Variants in ROBO2 observed in about 807,000 individuals in gnomAD.
ROBO2 encodes roundabout homolog 2.
A neutral mutation model predicts 160.8 loss-of-function variants in ROBO2; 53 were observed. The observed-to-expected ratio is 0.33, with a 90% CI of 0.26 to 0.41. The LOEUF is 0.41. Among genes scored for constraint, ROBO2 ranks in the 10% least tolerant of loss-of-function variants. ROBO2 has a pLI of 1.00. For synonymous variants in ROBO2, 664 were observed against 611.7 expected, an observed-to-expected ratio of 1.09 and a Z score of -1.26; for missense variants, 1,577 against 1,722.4, an observed-to-expected ratio of 0.92 and a Z score of 1.49.
At chr3:76,985,575 GAAAAAAAAAAAAAAAAAA>G (rs532632866) in intron 2 of ROBO2, among the ~76,000 whole-genome samples, 692 of 26,464 alleles carry the variant, frequency 0.026, 27 homozygotes, top group African/African-American at 0.092. Flanking sequence ...GACTCCGTCT[GAAAAAAAAAAAAAAAAAA>G]AAAAAAAAAA....
chr3:77,350,086 C>T (rs1433365493), intron 2 of ROBO2, among the ~76,000 whole-genome samples: 1 of 138,002 alleles, frequency 7.2e-6, no homozygotes, highest in African/African-American at 2.7e-5. Flanking sequence ...TATATATGTA[C>T]ACACACACAT....
At chr3:76,619,531 A>C (rs2088891289) in intron 2 of ROBO2, among the ~76,000 whole-genome samples, 1 of 152,216 alleles carries the variant, frequency 6.6e-6, no homozygotes, top group African/African-American at 2.4e-5. Context: ...ATTCATGAGC[A>C]CTGCCATATT....
chr3:76,577,645 GCAATTTAACACTTT>G (rs2085391224), intron 2 of ROBO2, among the ~76,000 whole-genome samples: 1 of 152,062 alleles, frequency 6.6e-6, no homozygotes, highest in Non-Finnish European at 1.5e-5. Flanking sequence ...CAAATTAGAA[GCAATTTAACACTTT>G]CTAGGGGAAC....
At chr3:76,814,814 G>T (rs967917174) in intron 2 of ROBO2, among the ~76,000 whole-genome samples, 51 of 151,914 alleles carry the variant, frequency 3.4e-4, no homozygotes, top group African/African-American at 1.2e-3. Flanking sequence ...TAACATGTAA[G>T]AATAATTTCT....
chr3:76,726,605 CT>C (rs1350340577), intron 2 of ROBO2, among the ~76,000 whole-genome samples: 4 of 152,122 alleles, frequency 2.6e-5, no homozygotes, highest in African/African-American at 9.7e-5. Flanking sequence ...AGTGTGGTTT[CT>C]GCATCTGCTT....
At chr3:76,703,192 G>C (rs2093083624) in intron 2 of ROBO2, among the ~76,000 whole-genome samples, 1 of 152,120 alleles carries the variant, frequency 6.6e-6, no homozygotes, top group South Asian at 2.1e-4. Flanking sequence ...CATGAAAGTT[G>C]AAATTGTGCA....
intron 2 of ROBO2, among the ~76,000 whole-genome samples, chr3:77,323,342 C>A (rs1008218832): frequency 6.6e-6 from 1 of 151,788 alleles, no homozygotes; most frequent in African/African-American, 2.4e-5. Context: ...CATACTTGCT[C>A]TCCTGAGTTG....
At chr3:76,644,266 G>A (rs1056017813) in intron 2 of ROBO2, among the ~76,000 whole-genome samples, 4 of 152,106 alleles carry the variant, frequency 2.6e-5, no homozygotes, top group African/African-American at 9.7e-5. Context: ...TGAAAAGCAA[G>A]TGGTGTTAAA....
chr3:77,205,958 G>C (rs2083397471), intron 2 of ROBO2, among the ~76,000 whole-genome samples: 2 of 152,142 alleles, frequency 1.3e-5, no homozygotes, highest in Admixed American at 1.3e-4. Context: ...ACAGTTTTGG[G>C]GGACTGGAAA....
At chr3:77,021,505 C>G (rs553529281) in intron 2 of ROBO2, among the ~76,000 whole-genome samples, 57 of 152,276 alleles carry the variant, frequency 3.7e-4, no homozygotes, top group African/African-American at 1.4e-3. Context: ...TCTGACCTAC[C>G]TTGTCTGAAA....
rs544178920 is a variant in ROBO2 at position 76,837,294 on chromosome 3, A to G, written c.110-260720A>G. Among the ~76,000 whole-genome samples, 4 of 152,050 alleles carry G rather than the reference A, an allele frequency of 2.6e-5. No individual in the cohort carries two copies. In the East Asian group the frequency reaches 5.8e-4, roughly 22 times the overall value. On this transcript the variant is annotated intron_variant, in intron 2 of 26. Transcript: ENST00000487694. Reference sequence around the variant, plus strand: ...ATTTGAAGCTTTACATAATGCACATACTAAAAACCATTCACTAATATGTTA... The same window carrying G: ...ATTTGAAGCTTTACATAATGCACATGCTAAAAACCATTCACTAATATGTTA...
intron 2 of ROBO2, among the ~76,000 whole-genome samples, chr3:76,259,566 G>T (rs930270594): frequency 6.6e-6 from 1 of 152,124 alleles, no homozygotes; most frequent in African/African-American, 2.4e-5. Flanking sequence ...AAGACAGACT[G>T]CCTAGAAAGT....
chr3:76,187,992 T>C (rs1439592868), intron 2 of ROBO2, among the ~76,000 whole-genome samples: 1 of 152,142 alleles, frequency 6.6e-6, no homozygotes, highest in Non-Finnish European at 1.5e-5. Flanking sequence ...AGTGCCACTT[T>C]TCCTATATCT....
At chr3:77,454,432 C>T (rs1024680763) in intron 2 of ROBO2, among the ~76,000 whole-genome samples, 1 of 152,074 alleles carries the variant, frequency 6.6e-6, no homozygotes, top group African/African-American at 2.4e-5. Flanking sequence ...TCAAAACTCT[C>T]TTGATTGCAC....
At chr3:77,250,125 C>T (rs142727759) in intron 2 of ROBO2, among the ~76,000 whole-genome samples, 74 of 152,244 alleles carry the variant, frequency 4.9e-4, no homozygotes, top group South Asian at 8.3e-4. Flanking sequence ...GCTTCAACTG[C>T]AATTCAGAAT....
intron 2 of ROBO2, among the ~76,000 whole-genome samples, chr3:76,604,830 C>G (rs1022977272): frequency 5.9e-5 from 9 of 152,126 alleles, no homozygotes; most frequent in African/African-American, 1.2e-4. Flanking sequence ...AGAAGGTAGA[C>G]AGTTACATTT....
At chr3:76,798,581 G>C (rs2063952362) in intron 2 of ROBO2, among the ~76,000 whole-genome samples, 1 of 152,126 alleles carries the variant, frequency 6.6e-6, no homozygotes, top group Non-Finnish European at 1.5e-5. Flanking sequence ...ATTGCTTCAT[G>C]ATAAAAGCCC....
At chr3:77,041,500 G>A (rs1559886332) in intron 1 of ROBO2, among the ~76,000 whole-genome samples, 1 of 152,160 alleles carries the variant, frequency 6.6e-6, no homozygotes, top group African/African-American at 2.4e-5. Context: ...CCTTAAACAG[G>A]TGCTGGAGGT....
intron 2 of ROBO2, among the ~76,000 whole-genome samples, chr3:76,029,116 G>A (rs1197768718): frequency 4.0e-5 from 6 of 151,884 alleles, no homozygotes; most frequent in Admixed American, 1.3e-4. Flanking sequence ...GTAGGGGATG[G>A]GGATATTCTT....
Sources: gnomAD v4.1 joint callset for allele counts (sites outside exome capture counted in the v4.1 genomes callset) on GRCh38, gnomAD v4.1.1 for gene constraint, MANE v1.5 for transcripts, NCBI Gene and HGNC (gene_info 2026-07-23, HGNC 2026-07-21) for gene names.